The following WNT7A variants were observed in gnomAD, a reference collection of about 807,000 sequenced individuals.
WNT7A encodes protein Wnt-7a.
Under a neutral mutation model 28.2 loss-of-function variants are expected in WNT7A, and 16 were observed. That is an observed-to-expected ratio of 0.57 (90% CI 0.38 to 0.86). The LOEUF (loss-of-function observed/expected upper bound fraction) is 0.86, where lower values mean the gene tolerates loss of function less well. WNT7A is among the 40% of genes least tolerant of loss of function. The pLI, the probability that WNT7A is intolerant of heterozygous loss-of-function variation, is 0.00. For missense variants in WNT7A, 411 were observed against 489.7 expected (o/e 0.84, Z 1.52); for synonymous variants, 190 against 195.9 (o/e 0.97, Z 0.25).
At chr3:13,834,840 T>A (rs1264555267) in intron 3 of WNT7A, among the ~76,000 whole-genome samples, 1 of 152,190 alleles carries the variant, frequency 6.6e-6, no homozygotes. Flanking sequence ...TAGTTGTGCT[T>A]ATCATGTCTC....
At chr3:13,832,399 C>T (rs1694295902) in intron 3 of WNT7A, among the ~76,000 whole-genome samples, 1 of 151,270 alleles carries the variant, frequency 6.6e-6, no homozygotes, top group South Asian at 2.1e-4. Flanking sequence ...TCTACAGGCT[C>T]CTCCCACTCT....
At chr3:13,843,456 C>G (rs975404946) in intron 3 of WNT7A, among the ~76,000 whole-genome samples, 1 of 152,114 alleles carries the variant, frequency 6.6e-6, no homozygotes, top group African/African-American at 2.4e-5. Context: ...ACAAGTGGCA[C>G]AGTCGGGGCT....
intron 3 of WNT7A, among the ~76,000 whole-genome samples, chr3:13,820,607 G>T (rs1159356676): frequency 6.6e-6 from 1 of 152,072 alleles, no homozygotes; most frequent in Non-Finnish European, 1.5e-5. Context: ...GAAAATCAGG[G>T]TGCTGGAAGA....
chr3:13,839,349 G>A (rs375237975), intron 3 of WNT7A, among the ~76,000 whole-genome samples: 1 of 152,258 alleles, frequency 6.6e-6, no homozygotes, highest in Non-Finnish European at 1.5e-5. Context: ...GGGTCTCAGA[G>A]GGGAGCCCAG....
At chr3:13,825,305 C>T (rs4340685) in intron 3 of WNT7A, among the ~76,000 whole-genome samples, 28,415 of 152,152 alleles carry the variant, frequency 0.19, 3,114 homozygotes, top group East Asian at 0.56. Flanking sequence ...GTGACTCCCT[C>T]ATGGTTTCCA....
intron 2 of WNT7A, among the ~76,000 whole-genome samples, chr3:13,872,660 C>G (rs1425261938): frequency 6.6e-6 from 1 of 152,198 alleles, no homozygotes; most frequent in Non-Finnish European, 1.5e-5. Context: ...CTCTGCTCCT[C>G]CCTGGTGTGC....
intron 3 of WNT7A, among the ~76,000 whole-genome samples, chr3:13,842,378 G>A (rs1333813371): frequency 6.6e-6 from 1 of 152,042 alleles, no homozygotes; most frequent in African/African-American, 2.4e-5. Flanking sequence ...GAAACCTGGG[G>A]TAAGGGGACC....
At chr3:13,875,222 A>C in intron 1 of WNT7A, 49 bp from the exon 2 acceptor site, 1 of 1,597,832 alleles carries the variant, frequency 6.3e-7, no homozygotes, top group Non-Finnish European at 8.6e-7. Context: ...GCAAGGGGGC[A>C]TGGCCTGGGA....
At chr3:13,822,135 A>G (rs974896630) in intron 3 of WNT7A, among the ~76,000 whole-genome samples, 26 of 152,222 alleles carry the variant, frequency 1.7e-4, no homozygotes, top group Non-Finnish European at 7.3e-5. Flanking sequence ...GCTGGTGGGC[A>G]TCTGAAAGGA....
intron 3 of WNT7A, among the ~76,000 whole-genome samples, chr3:13,836,471 T>C (rs1054979688): frequency 6.6e-6 from 1 of 152,238 alleles, no homozygotes; most frequent in Non-Finnish European, 1.5e-5. Context: ...GTCTCAGGTG[T>C]GGCCAGGTGT....
At position 13,875,162 on chromosome 3, in the gene WNT7A, G is replaced by A. The variant is rs760828095; in HGVS notation, c.83C>T (p.Ser28Leu). The change falls in exon 2 of 4, where the codon TCA becomes TTA. Residue 28 changes from serine to leucine, a missense_variant. Ser to Leu is a moderately radical substitution (Grantham distance 145, BLOSUM62 -2). Transcript: ENST00000285018. ...MVYLRIGGFSSVVALGASIIC... is the reference protein window; with the variant it reads ...MVYLRIGGFSLVVALGASIIC... ...GATGCTTGCGCCCAGAGCTACCACT[G>A]AGGAGAAGCCACTGGAGGGAGAGAC... 2.5e-6 allele frequency: 4 copies of A among 1,613,932 alleles called. No homozygotes were observed. In the East Asian group the frequency reaches 8.9e-5, roughly 36 times the overall value.
Position 13,879,863 on chromosome 3 carries a change from G to T in WNT7A, c.-47C>A. ...CCGCGGGCCGGGCTGTGCTGATCCCGCGGGCCGGCCCCGGCGGGGCAATCA... is the reference window on the plus strand; with the variant it reads ...CCGCGGGCCGGGCTGTGCTGATCCCTCGGGCCGGCCCCGGCGGGGCAATCA... On this transcript the variant is annotated 5_prime_UTR_variant, in exon 1 of 4. Transcript: ENST00000285018. 6.6e-7 allele frequency: 1 copy of T among 1,510,544 alleles called. No homozygotes were observed. The highest frequency in any genetic ancestry group is 2.6e-5 in the East Asian group (1 of 39,072). The allele number at this position is 1,510,544 out of a possible 1,614,324, so 93.6% of individuals were successfully genotyped here.
intron 3 of WNT7A, among the ~76,000 whole-genome samples, chr3:13,848,409 T>G (rs1233787505): frequency 6.6e-6 from 1 of 151,926 alleles, no homozygotes; most frequent in African/African-American, 2.4e-5. Flanking sequence ...ACTTAGAAAA[T>G]AGGCAAAAAG....
chr3:13,869,515 GAGAGAA>G (rs779995693), intron 2 of WNT7A, among the ~76,000 whole-genome samples: 7 of 148,146 alleles, frequency 4.7e-5, no homozygotes, highest in South Asian at 2.2e-4. Context: ...GGAAGGGAGA[GAGAGAA>G]AGAGAAAGAG....
At position 13,833,114 on chromosome 3, in the gene WNT7A, C is replaced by T. The variant is rs539794040; in HGVS notation, c.571-13691G>A. Among the ~76,000 whole-genome samples the T allele has an allele frequency of 5.4e-3, 825 of 152,158 alleles. 9 individuals carry two copies. Among genetic ancestry groups the T allele is most frequent in the African/African-American group, 0.018 (735 of 41,480 alleles). ...TGTGTGGCCTGCACACAGTCACATC[C>T]CACCATGTGCTCACACATACACAAC... On this transcript the variant is annotated intron_variant, in intron 3 of 3. Transcript: ENST00000285018.
chr3:13,850,897 C>A lies in WNT7A; in HGVS notation c.570+3635G>T, dbSNP rs561804138. Among the ~76,000 whole-genome samples the A allele has an allele frequency of 1.8e-4, 28 of 152,172 alleles. 1 individual carries two copies. Among genetic ancestry groups the A allele is most frequent in the East Asian group, 1.6e-3 (8 of 5,160 alleles). ...CCAGAAGGCCCAGGTTCTTCTGGTT[C>A]TCCTCCAACCTCCCTGACTGTCCTT... is the stretch of plus-strand genomic sequence containing the variant. On this transcript the variant is annotated intron_variant, in intron 3 of 3. Transcript: ENST00000285018.
chr3:13,843,421 G>A (rs1222093937), intron 3 of WNT7A, among the ~76,000 whole-genome samples: 1 of 152,110 alleles, frequency 6.6e-6, no homozygotes, highest in Non-Finnish European at 1.5e-5. Flanking sequence ...CTTGAGAAGG[G>A]TGACTGCCCA....
chr3:13,875,146 G>T lies in WNT7A; in HGVS notation c.99C>A (p.Gly33=). ...GGATCTTGTTACAGATGATGCTTGC[G>T]CCCAGAGCTACCACTGAGGAGAAGC... ...IGGFSSVVAL[G]ASIICNKIPG... The change falls in exon 2 of 4, where the codon GGC becomes GGA. Residue 33 remains glycine (G), a synonymous_variant. Coordinates refer to ENST00000285018, the MANE Select transcript of WNT7A (RefSeq NM_004625.4). 6.2e-7 allele frequency: 1 copy of T among 1,614,066 alleles called. No homozygotes were observed.
At chr3:13,833,683 G>A (rs1440602168) in intron 3 of WNT7A, among the ~76,000 whole-genome samples, 1 of 152,184 alleles carries the variant, frequency 6.6e-6, no homozygotes, top group Admixed American at 6.5e-5. Context: ...CTAGGTTAGT[G>A]GGGACTGTGG....
Sources: gnomAD v4.1 joint callset for allele counts (sites outside exome capture counted in the v4.1 genomes callset) on GRCh38, gnomAD v4.1.1 for gene constraint, MANE v1.5 for transcripts, NCBI Gene and HGNC (gene_info 2026-07-23, HGNC 2026-07-21) for gene names.